Variants in MEGF6 observed in about 807,000 individuals in gnomAD.
MEGF6 encodes the protein multiple epidermal growth factor-like domains protein 6.
In MEGF6, 184 loss-of-function variants were observed where a neutral mutation model predicts 207.1. The ratio of observed to expected loss-of-function variants is 0.89; its 90% confidence interval spans 0.79 to 1.00. The LOEUF is 1.00. Ranked by LOEUF, MEGF6 falls within the 50% of genes least tolerant of loss-of-function variation. MEGF6 has a pLI of 0.00. For missense variants in MEGF6, 2,282 were observed against 2,202.9 expected (o/e 1.04, Z -0.72); for synonymous variants, 1,038 against 910.0 (o/e 1.14, Z -2.53).
At chr1:3,494,229 C>T (rs1350510347) in intron 32 of MEGF6, 105 bp from the exon 33 acceptor site, 1 of 1,478,358 alleles carries the variant, frequency 6.8e-7, no homozygotes, top group Non-Finnish European at 9.0e-7. Flanking sequence ...AGAAAAGCCC[C>T]CTCCTGCCCG....
rs868651188 is a variant in MEGF6 at position 3,491,464 on chromosome 1, C to T, written c.4517-505G>A. On this transcript the variant is annotated intron_variant, in intron 35 of 36. Transcript: ENST00000356575. Reference sequence around the variant, plus strand: ...CAGGCTGCTGCCCCGCCCCTCCTCTCCTCGCCCCGCCCCGCTCCACCGAGA... The same window carrying T: ...CAGGCTGCTGCCCCGCCCCTCCTCTTCTCGCCCCGCCCCGCTCCACCGAGA... Among the ~76,000 whole-genome samples the T allele has an allele frequency of 1.0e-3, 149 of 149,710 alleles. 1 individual carries two copies. Among genetic ancestry groups the T allele is most frequent in the Middle Eastern group, 6.9e-3 (2 of 288 alleles).
At chr1:3,553,036 G>A (rs1056372517) in intron 4 of MEGF6, among the ~76,000 whole-genome samples, 3 of 152,160 alleles carry the variant, frequency 2.0e-5, no homozygotes, top group Non-Finnish European at 4.4e-5. Context: ...AGACCTAGCT[G>A]CCACTAGGGC....
chr1:3,622,614 G>A, the MEGF6 span, among the ~76,000 whole-genome samples: 1 of 152,190 alleles, frequency 6.6e-6, no homozygotes, highest in Non-Finnish European at 1.5e-5. Flanking sequence ...AGAAGGTCGT[G>A]TGAAGATGGA....
chr1:3,497,697 A>G, intron 26 of MEGF6: 1 of 480,442 alleles, frequency 2.1e-6, no homozygotes, highest in East Asian at 5.0e-5. Context: ...AGGAGCCGGG[A>G]GACAGCAGCC....
At chr1:3,533,233 C>T (rs999347170) in intron 4 of MEGF6, among the ~76,000 whole-genome samples, 5 of 152,314 alleles carry the variant, frequency 3.3e-5, no homozygotes, top group African/African-American at 4.8e-5. Context: ...CACCTTGCCC[C>T]GTCCTGTCTG....
intron 4 of MEGF6, among the ~76,000 whole-genome samples, chr1:3,527,897 A>C (rs1642020322): frequency 2.0e-5 from 3 of 152,214 alleles, no homozygotes; most frequent in South Asian, 4.1e-4. Flanking sequence ...TCTCTCAGCC[A>C]CTAGTCCCTC....
intron 2 of MEGF6, among the ~76,000 whole-genome samples, chr1:3,599,271 C>T (rs892618477): frequency 6.6e-6 from 1 of 152,190 alleles, no homozygotes; most frequent in Admixed American, 6.5e-5. Flanking sequence ...CTGCTGGCCT[C>T]CCCCCCAGAG....
chr1:3,539,093 G>C (rs956667389), intron 4 of MEGF6, among the ~76,000 whole-genome samples: 1 of 152,198 alleles, frequency 6.6e-6, no homozygotes, highest in Admixed American at 6.5e-5. Flanking sequence ...ATCCCAGGGG[G>C]TGAGGGGTAG....
chr1:3,590,356 G>A lies in MEGF6; in HGVS notation c.376+4982C>T, dbSNP rs142678999. Among the ~76,000 whole-genome samples, 1,472 of 151,824 alleles carry A rather than the reference G, an allele frequency of 9.7e-3. 22 individuals carry two copies. The highest frequency in any genetic ancestry group is 0.031 in the African/African-American group (1,287 of 41,402). On this transcript the variant is annotated intron_variant, in intron 3 of 36. Coordinates refer to ENST00000356575, the MANE Select transcript of MEGF6 (RefSeq NM_001409.4). Reference sequence around the variant, plus strand: ...TGGGAAAAACCTGGCACCGGACCAGGATAAAAGTGGAATTCAGAGAATCCA... The same window carrying A: ...TGGGAAAAACCTGGCACCGGACCAGAATAAAAGTGGAATTCAGAGAATCCA...
intron 4 of MEGF6, among the ~76,000 whole-genome samples, chr1:3,568,145 C>T (rs977320570): frequency 8.5e-5 from 13 of 152,188 alleles, no homozygotes; most frequent in African/African-American, 2.7e-4. Flanking sequence ...CAATTTGACT[C>T]GTCAACATGT....
intron 4 of MEGF6, among the ~76,000 whole-genome samples, chr1:3,558,303 T>C (rs1643094594): frequency 1.3e-5 from 2 of 152,188 alleles, no homozygotes; most frequent in African/African-American, 4.8e-5. Context: ...TAAATGTACA[T>C]GTGACTGTGT....
At chr1:3,537,655 G>A (rs1186194751) in intron 4 of MEGF6, among the ~76,000 whole-genome samples, 1 of 152,236 alleles carries the variant, frequency 6.6e-6, no homozygotes, top group Admixed American at 6.5e-5. Flanking sequence ...TGAGCAGAGG[G>A]CACAGGCATC....
intron 4 of MEGF6, among the ~76,000 whole-genome samples, chr1:3,541,622 G>A (rs527433672): frequency 5.3e-5 from 8 of 152,296 alleles, no homozygotes; most frequent in South Asian, 4.1e-4. Flanking sequence ...GGGGGCAGCC[G>A]GTCAGCGCCC....
At chr1:3,511,352 G>C (rs1443619495) in intron 9 of MEGF6, among the ~76,000 whole-genome samples, 198 bp downstream of exon 9, 1 of 152,178 alleles carries the variant, frequency 6.6e-6, no homozygotes, top group Admixed American at 6.5e-5. Flanking sequence ...GGCCGATGTG[G>C]GCACCAAGGT....
chr1:3,510,106 G>C (rs1641282456), intron 10 of MEGF6, 114 bp from the exon 11 acceptor site: 2 of 1,352,466 alleles, frequency 1.5e-6, no homozygotes, highest in Admixed American at 5.6e-5. Flanking sequence ...TGCCAGAGCT[G>C]AGTAGCATCT....
chr1:3,575,811 A>G (rs1270321301), intron 4 of MEGF6, among the ~76,000 whole-genome samples: 1 of 152,212 alleles, frequency 6.6e-6, no homozygotes, highest in Non-Finnish European at 1.5e-5. Flanking sequence ...ATTATGGGAC[A>G]TACAAGATGA....
chr1:3,577,070 C>G (rs1366660105), intron 4 of MEGF6, among the ~76,000 whole-genome samples: 1 of 152,168 alleles, frequency 6.6e-6, no homozygotes, highest in Non-Finnish European at 1.5e-5. Flanking sequence ...TCTACACACT[C>G]CATCCTGAAT....
intron 1 of MEGF6, among the ~76,000 whole-genome samples, chr1:3,609,151 C>T (rs1248796110): frequency 6.6e-6 from 1 of 152,178 alleles, no homozygotes; most frequent in Non-Finnish European, 1.5e-5. Flanking sequence ...AGGGACTGAG[C>T]ACTCTCTGGG....
rs1643335282 is a variant in MEGF6, at chr1:3,566,046, GACCCCTGA to G, written c.481+13771_481+13778del. Among the ~76,000 whole-genome samples the G allele has an allele frequency of 4.6e-5, 7 of 152,312 alleles. No homozygotes were observed. The South Asian group carries it at 1.5e-3, about 32-fold the overall frequency. On this transcript the variant is annotated intron_variant, in intron 4 of 36. Coordinates refer to ENST00000356575, the MANE Select transcript of MEGF6 (RefSeq NM_001409.4). ...CAGCGCTCTCAGCAGAGAAGACATT[GACCCCTGA>G]GGCTGACCTGGGTAGCAGACCCCTG...
Sources: allele counts gnomAD v4.1 joint callset (sites outside exome capture counted in the v4.1 genomes callset), GRCh38; gene constraint gnomAD v4.1.1; transcripts MANE v1.5; gene names NCBI Gene and HGNC (gene_info 2026-07-23, HGNC 2026-07-21).